PTPN11: variants seen among roughly 807,000 people sequenced by gnomAD.
PTPN11 encodes the protein protein tyrosine phosphatase non-receptor type 11, also known as tyrosine-protein phosphatase non-receptor type 11.
Under a neutral mutation model 78.8 loss-of-function variants are expected in PTPN11, and 6 were observed. The observed-to-expected ratio is 0.08, with a 90% CI of 0.04 to 0.15. The LOEUF (loss-of-function observed/expected upper bound fraction) is 0.15, where lower values mean the gene tolerates loss of function less well. PTPN11 is among the 10% of genes least tolerant of loss of function. The probability of loss-of-function intolerance (pLI) is 1.00; values close to 1 mark genes in which losing one functional copy is unlikely to be tolerated. For synonymous variants in PTPN11, 221 were observed against 263.5 expected (o/e 0.84, Z 1.56); for missense variants, 386 against 744.8 (o/e 0.52, Z 5.61).
intron 1 of PTPN11, among the ~76,000 whole-genome samples, chr12:112,420,260 A>G (rs1162987761): frequency 6.6e-6 from 1 of 152,076 alleles, no homozygotes; most frequent in Non-Finnish European, 1.5e-5. Context: ...ATTCTTTTCC[A>G]TGATTGTTCA....
chr12:112,491,695 C>T (rs1017930164), intron 13 of PTPN11, among the ~76,000 whole-genome samples: 3 of 152,050 alleles, frequency 2.0e-5, no homozygotes, highest in Admixed American at 6.6e-5. Context: ...GTGCATTTGG[C>T]TATAATGTAT....
At chr12:112,427,253 AAT>A (rs1228859086) in intron 1 of PTPN11, among the ~76,000 whole-genome samples, 1 of 150,878 alleles carries the variant, frequency 6.6e-6, no homozygotes, top group Non-Finnish European at 1.5e-5. Flanking sequence ...CTCAAAAAAA[AAT>A]ATAGATATAG....
At chr12:112,491,468 T>C (rs1454924808) in intron 13 of PTPN11, among the ~76,000 whole-genome samples, 1 of 152,176 alleles carries the variant, frequency 6.6e-6, no homozygotes, top group Non-Finnish European at 1.5e-5. Context: ...TCTCTAAATA[T>C]CATTTCATTT....
intron 1 of PTPN11, among the ~76,000 whole-genome samples, chr12:112,440,245 G>T (rs1049933853): frequency 6.6e-6 from 1 of 152,088 alleles, no homozygotes; most frequent in Non-Finnish European, 1.5e-5. Flanking sequence ...TGAGGTTGAC[G>T]TTTTCCCGGG....
chr12:112,454,934 C>G (rs909288581), intron 5 of PTPN11: 3 of 495,274 alleles, frequency 6.1e-6, no homozygotes, highest in African/African-American at 5.9e-5. Context: ...ATTCTCCTGC[C>G]TCAGCCTCCT....
At chr12:112,472,114 G>A (rs1315276859) in intron 6 of PTPN11, among the ~76,000 whole-genome samples, 3 of 151,992 alleles carry the variant, frequency 2.0e-5, no homozygotes, top group Non-Finnish European at 2.9e-5. Flanking sequence ...GTGAGCCATT[G>A]CACCTGGCCT....
intron 9 of PTPN11, among the ~76,000 whole-genome samples, chr12:112,481,058 C>T (rs1287219722): frequency 6.6e-6 from 1 of 152,164 alleles, no homozygotes; most frequent in Non-Finnish European, 1.5e-5. Context: ...TCCCAGGCAC[C>T]CAGTTAAGGG....
intron 14 of PTPN11, 116 bp downstream of exon 14, chr12:112,502,372 T>C: frequency 1.2e-6 from 1 of 828,080 alleles, no homozygotes; most frequent in Non-Finnish European, 2.1e-6. Flanking sequence ...CTGGTGCACG[T>C]TCCTGTTGCC....
At chr12:112,479,763 T>C (rs1446353740) in intron 9 of PTPN11, among the ~76,000 whole-genome samples, 1 of 152,172 alleles carries the variant, frequency 6.6e-6, no homozygotes, top group Non-Finnish European at 1.5e-5. Context: ...CTTGTGTTGC[T>C]TCAGAGGAAT....
chr12:112,464,415 CTTT>C (rs1263721020), intron 6 of PTPN11, among the ~76,000 whole-genome samples: 2 of 151,738 alleles, frequency 1.3e-5, no homozygotes, highest in Non-Finnish European at 2.9e-5. Flanking sequence ...TTGCCTGTTT[CTTT>C]TTTATTTTAA....
chr12:112,442,833 TATATA>T (rs2037919058), intron 1 of PTPN11, among the ~76,000 whole-genome samples: 7 of 17,002 alleles, frequency 4.1e-4, no homozygotes, highest in South Asian at 4.6e-3. Context: ...TCTCTTTTTA[TATATA>T]TATATATATA....
At chr12:112,477,344 C>T (rs1474958940) in intron 7 of PTPN11, among the ~76,000 whole-genome samples, 1 of 152,138 alleles carries the variant, frequency 6.6e-6, no homozygotes, top group Non-Finnish European at 1.5e-5. Flanking sequence ...TTTTGGAACT[C>T]ATAAGAAGTT....
chr12:112,463,843 G>C (rs2038286248), intron 6 of PTPN11, among the ~76,000 whole-genome samples: 1 of 152,168 alleles, frequency 6.6e-6, no homozygotes, highest in Non-Finnish European at 1.5e-5. Context: ...CTGCTTTCTA[G>C]ATCTCCTATA....
rs2037472371 is a variant in PTPN11, at chr12:112,419,055, C to T, written c.-57C>T. On this transcript the variant is annotated 5_prime_UTR_variant, in exon 1 of 16. Coordinates refer to ENST00000351677, the MANE Select transcript of PTPN11 (RefSeq NM_002834.5). ...CTCGGGCCAGCCCGATGTGACCGAG[C>T]CCAGCGGAGCCTGAGCAAGGAGCGG... 2.0e-6 allele frequency: 3 copies of T among 1,533,842 alleles called. No individual in the cohort carries two copies. Among genetic ancestry groups the T allele is most frequent in the Non-Finnish European group, 2.6e-6 (3 of 1,142,944 alleles).
At chr12:112,459,789 C>A (rs957143886) in intron 6 of PTPN11, among the ~76,000 whole-genome samples, 1 of 151,860 alleles carries the variant, frequency 6.6e-6, no homozygotes, top group African/African-American at 2.4e-5. Context: ...CTTAACACAT[C>A]ATTTCGTCTG....
At chr12:112,503,515 C>T (rs756231845) in intron 14 of PTPN11, among the ~76,000 whole-genome samples, 5 of 152,150 alleles carry the variant, frequency 3.3e-5, no homozygotes, top group Non-Finnish European at 7.3e-5. Context: ...AATTATACAG[C>T]AGAGGTATTT....
At chr12:112,478,297 G>A (rs573450174) in intron 9 of PTPN11, among the ~76,000 whole-genome samples, 78 of 152,028 alleles carry the variant, frequency 5.1e-4, no homozygotes, top group African/African-American at 1.8e-3. Context: ...CCTGGGCTGG[G>A]CATGGTGGCT....
chr12:112,490,735 C>G (rs1202373966), intron 13 of PTPN11, among the ~76,000 whole-genome samples: 1 of 152,190 alleles, frequency 6.6e-6, no homozygotes, highest in Non-Finnish European at 1.5e-5. Flanking sequence ...GTGTGAGCCA[C>G]TGAGCCCAGT....
chr12:112,423,194 C>G (rs1436985177), intron 1 of PTPN11, among the ~76,000 whole-genome samples: 3 of 152,156 alleles, frequency 2.0e-5, no homozygotes, highest in Non-Finnish European at 4.4e-5. Flanking sequence ...AAAATACTAT[C>G]CATGTTCGCG....
Sources: gnomAD v4.1 joint callset for allele counts (sites outside exome capture counted in the v4.1 genomes callset) on GRCh38, gnomAD v4.1.1 for gene constraint, MANE v1.5 for transcripts, NCBI Gene and HGNC (gene_info 2026-07-23, HGNC 2026-07-21) for gene names.